Variants in PKHD1L1 observed in about 807,000 individuals in gnomAD.
The protein encoded by PKHD1L1 is fibrocystin-L.
A neutral mutation model predicts 462.9 loss-of-function variants in PKHD1L1; 434 were observed. The observed-to-expected ratio is 0.94, with a 90% confidence interval of 0.87 to 1.02. The LOEUF is 1.02. Ranked by LOEUF, PKHD1L1 falls within the 50% of genes least tolerant of loss-of-function variation. PKHD1L1 has a pLI of 0.00. For missense variants in PKHD1L1, 5,202 were observed against 5,096.1 expected (o/e 1.02, Z -0.63); for synonymous variants, 1,781 against 1,750.0 (o/e 1.02, Z -0.44).
chr8:109,389,149 A>G lies in PKHD1L1; in HGVS notation c.694A>G (p.Ile232Val). Residue 232 changes from isoleucine (I) to valine (V), a missense_variant, in exon 8 of 78, where the codon ATT (isoleucine) becomes GTT (valine). Around this residue, in one of 3 missense-constraint regions of PKHD1L1, gnomAD observed 4,497 missense variants for 4,336.8 expected, o/e 1.04. Coordinates refer to ENST00000378402, the MANE Select transcript of PKHD1L1 (RefSeq NM_177531.6). ...SMVCKTTGTF[I>V]GHHNVSFILD... ...GGTTTGTAAGACGACTGGAACTTTT[A>G]TTGGCAAGTGTTGGTCATCTTTCTT... 2.5e-6 allele frequency: 4 copies of G among 1,606,558 alleles called. No individual in the cohort carries two copies. Among genetic ancestry groups the G allele is most frequent in the Non-Finnish European group, 3.4e-6 (4 of 1,174,174 alleles).
chr8:109,511,601 AC>A (rs1376931775), intron 71 of PKHD1L1, among the ~76,000 whole-genome samples: 1 of 151,842 alleles, frequency 6.6e-6, no homozygotes, highest in African/African-American at 2.4e-5. Context: ...TCATTGTTGG[AC>A]ATTTGGGTTG....
intron 27 of PKHD1L1, among the ~76,000 whole-genome samples, chr8:109,430,580 A>G (rs1815041946): frequency 6.6e-6 from 1 of 152,198 alleles, no homozygotes; most frequent in African/African-American, 2.4e-5. Flanking sequence ...TATTGCTTCA[A>G]AAATGTGATT....
Position 109,537,099 on chromosome 8 carries a change from CTA to C in PKHD1L1, c.*7011_*7012del, listed in dbSNP as rs1293813868. Reference sequence around the variant, plus strand: ...AATGTATCTGCTCAAAGATGTCACTCTATGTGCGGCAAAGCTTTGTTTTACTT... The same window carrying C: ...AATGTATCTGCTCAAAGATGTCACTCTGTGCGGCAAAGCTTTGTTTTACTT... On this transcript the variant is annotated 3_prime_UTR_variant, in exon 78 of 78. Transcript: ENST00000378402. Among the ~76,000 whole-genome samples the C allele has an allele frequency of 6.6e-6, 1 of 152,156 alleles. No homozygotes were observed. The highest frequency in any genetic ancestry group is 1.5e-5 in the Non-Finnish European group (1 of 68,032).
In PKHD1L1 at chr8:109,462,362, G is replaced by A. The variant is rs147318519; in HGVS notation, c.7383+454G>A. On this transcript the variant is annotated intron_variant, in intron 48 of 77. Coordinates refer to ENST00000378402, the MANE Select transcript of PKHD1L1 (RefSeq NM_177531.6). ...ATCCTTCAGTGGCTTCATGGTATAC[G>A]TAAAACAACAGGTCCAAGTCCATCC... 1.9e-3 allele frequency among the ~76,000 whole-genome samples: 283 copies of A among 152,082 alleles called. 1 individual carries two copies. Among genetic ancestry groups the A allele is most frequent in the African/African-American group, 6.4e-3 (267 of 41,494 alleles).
In PKHD1L1 at chr8:109,500,669, G is replaced by A. The variant is rs369310559; in HGVS notation, c.10828+1898G>A. 7.4e-3 allele frequency among the ~76,000 whole-genome samples: 682 copies of A among 92,646 alleles called. 6 individuals are homozygous for A. Among genetic ancestry groups the A allele is most frequent in the African/African-American group, 0.031 (654 of 21,064 alleles). 60.8% of individuals were successfully genotyped at this position (92,646 alleles called of 152,430 possible). A position where few individuals can be genotyped will look rare whatever the true frequency, so the allele number is the denominator to read the frequency against. On this transcript the variant is annotated intron_variant, in intron 67 of 77. Transcript: ENST00000378402. ...AGCCTGGGCAACAGAGTAAAACTCT[G>A]TCTCAAAAAAAAAAAAAAAAAAAAA...
chr8:109,425,195 C>G lies in PKHD1L1; in HGVS notation c.2808C>G (p.Gly936=), dbSNP rs117675722. Residue 936 remains glycine (G), a synonymous_variant, in exon 24 of 78, where the codon GGC becomes GGG. Coordinates refer to ENST00000378402, the MANE Select transcript of PKHD1L1 (RefSeq NM_177531.6). ...AAGCTGCATCTCCACCTCTAAGTGG[C>G]AGCTTTGACATTCAAGCTTATGGAC... is the stretch of plus-strand genomic sequence containing the variant. The part of the protein sequence containing the change: ...RIQAASPPLS[G]SFDIQAYGHI... 1.9e-6 allele frequency: 3 copies of G among 1,606,056 alleles called. No homozygotes were observed. Among genetic ancestry groups the G allele is most frequent in the Middle Eastern group, 1.7e-4 (1 of 6,032 alleles).
At chr8:109,398,675 T>G in intron 12 of PKHD1L1, 127 bp downstream of exon 12, 1 of 411,266 alleles carries the variant, frequency 2.4e-6, no homozygotes, top group Non-Finnish European at 4.1e-6. Context: ...TTCCTCCAAG[T>G]TTTAAAATTT....
chr8:109,434,671 G>C (rs1586502600), intron 28 of PKHD1L1, among the ~76,000 whole-genome samples: 1 of 152,074 alleles, frequency 6.6e-6, no homozygotes, highest in East Asian at 1.9e-4. Context: ...GTTTCACCAT[G>C]TTGGCCAAGC....
At chr8:109,382,766 C>T (rs565501005) in intron 4 of PKHD1L1, among the ~76,000 whole-genome samples, 195 bp downstream of exon 4, 11 of 151,742 alleles carry the variant, frequency 7.2e-5, no homozygotes, top group Non-Finnish European at 1.6e-4. Context: ...ATTTGTTTCC[C>T]CTCCTTTAAT....
chr8:109,362,865 GAGAA>G (rs1337536652), intron 1 of PKHD1L1, among the ~76,000 whole-genome samples: 1 of 152,160 alleles, frequency 6.6e-6, no homozygotes, highest in East Asian at 1.9e-4. Flanking sequence ...CAAGGACACA[GAGAA>G]AGAGATTGCG....
chr8:109,402,522 C>A (rs1813323507), intron 14 of PKHD1L1, among the ~76,000 whole-genome samples: 1 of 152,218 alleles, frequency 6.6e-6, no homozygotes, highest in South Asian at 2.1e-4. Flanking sequence ...ATAGCTAATG[C>A]ATACTGGGCT....
intron 43 of PKHD1L1, among the ~76,000 whole-genome samples, chr8:109,453,939 T>A (rs1816677914): frequency 6.6e-6 from 1 of 152,198 alleles, no homozygotes; most frequent in South Asian, 2.1e-4. Flanking sequence ...TCCCTGGGAT[T>A]TGATTTTCTG....
chr8:109,375,817 A>G (rs1360014365), intron 2 of PKHD1L1, among the ~76,000 whole-genome samples: 2 of 152,124 alleles, frequency 1.3e-5, no homozygotes, highest in African/African-American at 4.8e-5. Context: ...AGAACAGTGG[A>G]TATTTGTGAA....
Position 109,433,235 on chromosome 8 carries a change from T to G in PKHD1L1, c.3340+19T>G. 5 of 1,526,498 alleles carry G rather than the reference T, an allele frequency of 3.3e-6. No individual in the cohort carries two copies. The South Asian group carries it at 3.4e-5, about 10-fold the overall frequency. The allele number at this position is 1,526,498 out of a possible 1,614,324, so 94.6% of individuals were successfully genotyped here. On this transcript the variant is annotated intron_variant, in intron 28 of 77. Coordinates refer to ENST00000378402, the MANE Select transcript of PKHD1L1 (RefSeq NM_177531.6). ...GTGGATGGTAGGTCCTTTTAAAAAC[T>G]ATTAAGTCTAATTGTTCTTCTCTAA...
intron 70 of PKHD1L1, among the ~76,000 whole-genome samples, chr8:109,508,894 G>A (rs1819835626): frequency 6.6e-6 from 1 of 152,096 alleles, no homozygotes; most frequent in African/African-American, 2.4e-5. Flanking sequence ...GGAGACCAAG[G>A]CTTTTTGAAT....
At chr8:109,484,529 A>T (rs1403102301) in intron 57 of PKHD1L1, among the ~76,000 whole-genome samples, 1 of 151,922 alleles carries the variant, frequency 6.6e-6, no homozygotes. Flanking sequence ...TATTCCAGAG[A>T]TGGTCTTTGT....
chr8:109,410,125 T>C (rs1349616452), intron 19 of PKHD1L1, 147 bp downstream of exon 19: 7 of 517,102 alleles, frequency 1.4e-5, no homozygotes, highest in South Asian at 3.5e-5. Flanking sequence ...ACATTTGTTG[T>C]AAGGGCTGTT....
chr8:109,515,511 T>C (rs1348668151), intron 72 of PKHD1L1, among the ~76,000 whole-genome samples: 1 of 152,176 alleles, frequency 6.6e-6, no homozygotes, highest in Non-Finnish European at 1.5e-5. Context: ...CTTATTTATC[T>C]GTGCACATGC....
chr8:109,426,491 T>C (rs1814755947), intron 24 of PKHD1L1, among the ~76,000 whole-genome samples: 1 of 151,890 alleles, frequency 6.6e-6, no homozygotes, highest in South Asian at 2.1e-4. Context: ...ATTGATAAAA[T>C]TGCATATATT....
Sources: allele counts gnomAD v4.1 joint callset (sites outside exome capture counted in the v4.1 genomes callset), GRCh38; gene constraint gnomAD v4.1.1; regional missense constraint gnomAD v4.1.1; transcripts MANE v1.5; gene names NCBI Gene and HGNC (gene_info 2026-07-23, HGNC 2026-07-21).